MTTP: variants seen among roughly 807,000 people sequenced by gnomAD.
MTTP encodes the protein microsomal triglyceride transfer protein.
A neutral mutation model predicts 90.6 loss-of-function variants in MTTP; 49 were observed. The observed-to-expected ratio is 0.54, with a 90% CI of 0.43 to 0.69. The LOEUF is 0.69. MTTP is among the 30% of genes least tolerant of loss of function. MTTP has a pLI of 0.00. For synonymous variants in MTTP, 347 were observed against 384.2 expected (o/e 0.90, Z 1.13); for missense variants, 945 against 1,067.5 (o/e 0.89, Z 1.60).
chr4:99,574,450 A>G (rs1301932305), upstream of MTTP, among the ~76,000 whole-genome samples: 1 of 152,224 alleles, frequency 6.6e-6, no homozygotes, highest in Non-Finnish European at 1.5e-5. Flanking sequence ...GGTTTAGCAG[A>G]GTTTGAGAAT....
In MTTP at chr4:99,591,355, T is replaced by C. The variant is rs746086963; in HGVS notation, c.618+4T>C. ...TGGATTTACGACCCCAAATCAGGTA[T>C]GATAGATGTCACTTTCTTTGAGGCA... On this transcript the variant is annotated splice_donor_region_variant and intron_variant, in intron 5 of 17. Transcript: ENST00000265517. 2.5e-6 allele frequency: 4 copies of C among 1,579,230 alleles called. No homozygotes were observed. The East Asian group carries it at 6.7e-5, about 26-fold the overall frequency.
Position 99,623,034 on chromosome 4 carries a change from C to T in MTTP, c.*186C>T, listed in dbSNP as rs1056525734. 27 of 633,902 alleles carry T rather than the reference C, an allele frequency of 4.3e-5. No homozygotes were observed. The African/African-American group carries it at 4.8e-4, about 11-fold the overall frequency. 39.3% of individuals were successfully genotyped at this position (633,902 alleles called of 1,614,324 possible). ...ATATGCAGTATGCTACCCACAGCGTCATTTTGAATCATCATGTGACGCTTT... is the reference window on the plus strand; with the variant it reads ...ATATGCAGTATGCTACCCACAGCGTTATTTTGAATCATCATGTGACGCTTT... On this transcript the variant is annotated 3_prime_UTR_variant, in exon 18 of 18. Coordinates refer to ENST00000265517, the MANE Select transcript of MTTP (RefSeq NM_001386140.1).
At chr4:99,609,780 A>G (rs1051245527) in intron 12 of MTTP, among the ~76,000 whole-genome samples, 5 of 152,218 alleles carry the variant, frequency 3.3e-5, no homozygotes, top group Admixed American at 2.0e-4. Context: ...GAACAGAGAT[A>G]AGAGCAGGAC....
intron 16 of MTTP, 174 bp from the exon 17 acceptor site, chr4:99,620,887 C>T: frequency 1.6e-6 from 1 of 640,078 alleles, no homozygotes; most frequent in South Asian, 2.0e-5. Flanking sequence ...TGAGACTCAC[C>T]AGGCCCTGGT....
chr4:99,575,492 A>T (rs577029668), intron 1 of MTTP, among the ~76,000 whole-genome samples: 1 of 152,362 alleles, frequency 6.6e-6, no homozygotes, highest in African/African-American at 2.4e-5. Context: ...CAATTAAAAA[A>T]TGATAGAATT....
intron 12 of MTTP, among the ~76,000 whole-genome samples, 171 bp from the exon 13 acceptor site, chr4:99,610,972 A>C (rs1397065531): frequency 6.6e-6 from 1 of 152,214 alleles, no homozygotes; most frequent in African/African-American, 2.4e-5. Flanking sequence ...TGAAGGGGCT[A>C]GCCCTAATCC....
intron 12 of MTTP, 67 bp downstream of exon 12, chr4:99,609,044 T>C (rs1725890641): frequency 7.3e-7 from 1 of 1,372,508 alleles, no homozygotes; most frequent in South Asian, 1.2e-5. Flanking sequence ...GGTACCGATG[T>C]AGCTAATAAT....
In MTTP at chr4:99,612,946, A is replaced by G. The variant is rs767065714; in HGVS notation, c.2023A>G (p.Ile675Val). 1 of 1,614,074 alleles carries G rather than the reference A, an allele frequency of 6.2e-7. No homozygotes were observed. The highest frequency in any genetic ancestry group is 1.7e-5 in the Admixed American group (1 of 60,018). Residue 675 changes from isoleucine to valine, a missense_variant, in exon 15 of 18, where the codon ATC becomes GTC. Coordinates refer to ENST00000265517, the MANE Select transcript of MTTP (RefSeq NM_001386140.1). The stretch of plus-strand genomic sequence containing the variant: ...TGAAGCCCAAGGACTGGAAGCCTTA[A>G]TCGCAGCCACCCCTGACGAGGGGGA... Reference protein sequence around the residue: ...VIEAQGLEALIAATPDEGEEN... With the variant: ...VIEAQGLEALVAATPDEGEEN...
chr4:99,600,690 G>C lies in MTTP; in HGVS notation c.1193G>C (p.Gly398Ala). 1 of 1,613,760 alleles carries C rather than the reference G, an allele frequency of 6.2e-7. No individual in the cohort carries two copies. The highest frequency in any genetic ancestry group is 8.5e-7 in the Non-Finnish European group (1 of 1,179,788). Residue 398 changes from glycine to alanine, a missense_variant, in exon 9 of 18, where the codon GGA becomes GCA. Gly to Ala is a moderately conservative substitution (Grantham distance 60). Coordinates refer to ENST00000265517, the MANE Select transcript of MTTP (RefSeq NM_001386140.1). ...ILQERFLYACGFASHPNEELL... is the reference protein window; with the variant it reads ...ILQERFLYACAFASHPNEELL... ...CAGGAGAGGTTTCTCTATGCCTGTGGATTTGCTTCTCATCCCAATGAAGAA... is the reference window on the plus strand; with the variant it reads ...CAGGAGAGGTTTCTCTATGCCTGTGCATTTGCTTCTCATCCCAATGAAGAA...
chr4:99,567,831 T>C (rs778404065), intron 1 of MTTP, among the ~76,000 whole-genome samples: 11 of 152,104 alleles, frequency 7.2e-5, no homozygotes, highest in Non-Finnish European at 1.3e-4. Flanking sequence ...AAGGAACCTC[T>C]AGAGCCATGA....
rs751367204 is a variant in MTTP at position 99,611,372 on chromosome 4, C to G, written c.1908C>G (p.Leu636=). The change falls in exon 14 of 18, where the codon CTC becomes CTG. Residue 636 remains leucine, a synonymous_variant. Coordinates refer to ENST00000265517, the MANE Select transcript of MTTP (RefSeq NM_001386140.1). ...RSASTYSLDI[L]YSGSGILRRS... ...CATCTACTTACAGCCTAGACATTCTCTACTCGGGTTCTGGCATTCTAAGGA... is the reference window on the plus strand; with the variant it reads ...CATCTACTTACAGCCTAGACATTCTGTACTCGGGTTCTGGCATTCTAAGGA... The G allele has an allele frequency of 3.1e-6, 5 of 1,614,006 alleles. No individual in the cohort carries two copies. The highest frequency in any genetic ancestry group is 4.2e-6 in the Non-Finnish European group (5 of 1,179,876).
chr4:99,568,636 A>G (rs1724762375), intron 1 of MTTP, among the ~76,000 whole-genome samples: 1 of 152,146 alleles, frequency 6.6e-6, no homozygotes, highest in African/African-American at 2.4e-5. Flanking sequence ...GAGTGATTCT[A>G]AGATTGGAGT....
chr4:99,596,545 G>T (rs1443808891), intron 7 of MTTP, among the ~76,000 whole-genome samples: 2 of 152,030 alleles, frequency 1.3e-5, no homozygotes, highest in African/African-American at 4.8e-5. Flanking sequence ...TCAGACCTTA[G>T]CAACAGCAAA....
At chr4:99,607,071 T>C (rs1725836612) in intron 11 of MTTP, 111 bp downstream of exon 11, 1 of 910,140 alleles carries the variant, frequency 1.1e-6, no homozygotes, top group East Asian at 2.6e-5. Flanking sequence ...CCCCAAATAG[T>C]CTTCTCTCCT....
chr4:99,621,049 T>A lies in MTTP; in HGVS notation c.2343-12T>A. The A allele has an allele frequency of 6.2e-7, 1 of 1,613,538 alleles. No homozygotes were observed. Among genetic ancestry groups the A allele is most frequent in the Non-Finnish European group, 8.5e-7 (1 of 1,179,730 alleles). On this transcript the variant is annotated splice_polypyrimidine_tract_variant and intron_variant, in intron 16 of 17. Coordinates refer to ENST00000265517, the MANE Select transcript of MTTP (RefSeq NM_001386140.1). ...TATGAACAAGTTTTTTCTTTTTTTC[T>A]CAAATGTTTAGGGTGACTGTGGTAA...
In MTTP at chr4:99,582,112, T is replaced by A; in HGVS notation, c.249+20T>A. On this transcript the variant is annotated intron_variant, in intron 2 of 17. Transcript: ENST00000265517. The stretch of plus-strand genomic sequence containing the variant: ...ATAACGGTGGGCATTTTCTACCAGA[T>A]AAATGCAAAGATTAGATATCAGAAG... 1 of 1,613,068 alleles carries A rather than the reference T, an allele frequency of 6.2e-7. No homozygotes were observed. Among genetic ancestry groups the A allele is most frequent in the Non-Finnish European group, 8.5e-7 (1 of 1,179,060 alleles).
intron 10 of MTTP, among the ~76,000 whole-genome samples, chr4:99,603,017 G>A (rs1024592973): frequency 9.9e-5 from 15 of 152,106 alleles, no homozygotes; most frequent in Admixed American, 5.9e-4. Flanking sequence ...GAGTGTGCTC[G>A]AGAAGTTTCC....
Position 99,623,320 on chromosome 4 carries a change from C to A in MTTP, c.*472C>A, listed in dbSNP as rs923915176. The A allele has an allele frequency of 1.3e-5, 2 of 159,312 alleles. No homozygotes were observed. Among genetic ancestry groups the A allele is most frequent in the African/African-American group, 2.4e-5 (1 of 40,956 alleles). 9.9% of individuals were successfully genotyped at this position (159,312 alleles called of 1,614,324 possible). A position where few individuals can be genotyped will look rare whatever the true frequency, so the allele number is the denominator to read the frequency against. ...AAAAAAAAGTAAGACACAAACAAAC[C>A]ATTTTTTTTCTCTTTTTTTGGAGTT... On this transcript the variant is annotated 3_prime_UTR_variant, in exon 18 of 18. Coordinates refer to ENST00000265517, the MANE Select transcript of MTTP (RefSeq NM_001386140.1).
At position 99,606,945 on chromosome 4, in the gene MTTP, T is replaced by G. The variant is rs1440424111; in HGVS notation, c.1542T>G (p.Pro514=). 7 of 1,613,472 alleles carry G rather than the reference T, an allele frequency of 4.3e-6. No homozygotes were observed. Among genetic ancestry groups the G allele is most frequent in the Non-Finnish European group, 5.9e-6 (7 of 1,179,600 alleles). The change falls in exon 11 of 18, where the codon CCT becomes CCG. Residue 514 remains proline (P), a synonymous_variant. Transcript: ENST00000265517. ...CTGCTCTCCAGAGATATGATCTCCCTTTCATAACTGATGAGGTAAAATCTC... is the reference window on the plus strand; with the variant it reads ...CTGCTCTCCAGAGATATGATCTCCCGTTCATAACTGATGAGGTAAAATCTC... ...ATTALQRYDL[P]FITDEVKKTL...
Sources: gnomAD v4.1 joint callset for allele counts (sites outside exome capture counted in the v4.1 genomes callset) on GRCh38, gnomAD v4.1.1 for gene constraint, MANE v1.5 for transcripts, NCBI Gene and HGNC (gene_info 2026-07-23, HGNC 2026-07-21) for gene names.